PVT1: variants seen among roughly 807,000 people sequenced by gnomAD.
PVT1 encodes Pvt1 oncogene.
chr8:127,894,455 G>C (rs113016295), intron 3 of PVT1, among the ~76,000 whole-genome samples: 1 of 152,142 alleles, frequency 6.6e-6, no homozygotes, highest in Admixed American at 6.5e-5. Flanking sequence ...AAGCTGCCAC[G>C]GTTACTGATG....
chr8:127,915,589 G>A (rs1296525226), intron 3 of PVT1, among the ~76,000 whole-genome samples: 2 of 126,108 alleles, frequency 1.6e-5, no homozygotes, highest in African/African-American at 3.2e-5. Flanking sequence ...TTCAGCCTGG[G>A]CAACAAGAGC....
At chr8:127,964,540 G>C (rs1245445217) in intron 3 of PVT1, among the ~76,000 whole-genome samples, 1 of 152,158 alleles carries the variant, frequency 6.6e-6, no homozygotes. Flanking sequence ...AGATTTGGTA[G>C]CTTAAAACAA....
At chr8:128,015,082 T>C (rs187122729) in intron 4 of PVT1, among the ~76,000 whole-genome samples, 299 of 148,412 alleles carry the variant, frequency 2.0e-3, no homozygotes, top group African/African-American at 7.5e-3. Context: ...TTTATTTATT[T>C]ATTTATTTAT....
intron 2 of PVT1, among the ~76,000 whole-genome samples, chr8:127,861,847 A>G (rs1815232681): frequency 6.6e-6 from 1 of 152,150 alleles, no homozygotes; most frequent in South Asian, 2.1e-4. Context: ...TGTCATTGCT[A>G]ATCATCAGCC....
In PVT1 at chr8:127,942,695, A is replaced by G. The variant is rs559914908; in HGVS notation, n.783-46467A>G. 3.1e-4 allele frequency among the ~76,000 whole-genome samples: 47 copies of G among 152,278 alleles called. 1 individual carries two copies. Among genetic ancestry groups the G allele is most frequent in the Middle Eastern group, 3.4e-3 (1 of 294 alleles). ...GCTGGGTTCAATTCTGACTTGCCTG[A>G]CCAGCTGGTGCCTCATTTTGCTCTA... On this transcript the variant is annotated intron_variant and non_coding_transcript_variant, in intron 3 of 10. Coordinates refer to ENST00000651587, the Ensembl canonical transcript of PVT1.
chr8:127,912,278 T>C (rs1445204557), intron 3 of PVT1, among the ~76,000 whole-genome samples: 1 of 152,132 alleles, frequency 6.6e-6, no homozygotes, highest in Non-Finnish European at 1.5e-5. Context: ...GCACTTGCCA[T>C]TCATCTTCCA....
At chr8:128,071,687 A>AAAATAAACAAATAAAT (rs1813994991) in intron 5 of PVT1, among the ~76,000 whole-genome samples, 1 of 139,816 alleles carries the variant, frequency 7.2e-6, no homozygotes, top group South Asian at 2.3e-4. Flanking sequence ...CTCTGTCTCT[A>AAAATAAACAAATAAAT]AAATAAATAA....
At chr8:127,871,336 T>C (rs1348052139) in intron 2 of PVT1, among the ~76,000 whole-genome samples, 1 of 152,218 alleles carries the variant, frequency 6.6e-6, no homozygotes, top group Non-Finnish European at 1.5e-5. Context: ...TCAGAATAAA[T>C]GTGTTTTTTA....
intron 2 of PVT1, among the ~76,000 whole-genome samples, chr8:127,805,171 C>G (rs985234811): frequency 6.6e-6 from 1 of 151,368 alleles, no homozygotes; most frequent in African/African-American, 2.4e-5. Context: ...CTCAGGTGAT[C>G]CACCCGCCTT....
chr8:127,897,635 G>A (rs1463046581), intron 3 of PVT1, among the ~76,000 whole-genome samples: 1 of 136,312 alleles, frequency 7.3e-6, no homozygotes, highest in African/African-American at 2.9e-5. Context: ...AAGAAAGACA[G>A]ACAAAGAAAG....
At chr8:127,915,273 T>G (rs1198948728) in intron 3 of PVT1, among the ~76,000 whole-genome samples, 1 of 152,020 alleles carries the variant, frequency 6.6e-6, no homozygotes, top group Non-Finnish European at 1.5e-5. Context: ...AGATTTTACC[T>G]CCATTAAAAC....
At chr8:127,952,727 G>A (rs1376115902) in intron 3 of PVT1, among the ~76,000 whole-genome samples, 2 of 151,682 alleles carry the variant, frequency 1.3e-5, no homozygotes, top group African/African-American at 4.8e-5. Flanking sequence ...AAGGTCTCAT[G>A]TTTTAGAATC....
At chr8:128,069,358 T>C (rs1813953181) in intron 4 of PVT1, among the ~76,000 whole-genome samples, 2 of 152,186 alleles carry the variant, frequency 1.3e-5, no homozygotes, top group South Asian at 2.1e-4. Flanking sequence ...AGGCAATATA[T>C]ATTGAATGTG....
chr8:127,926,978 G>C (rs892090249), intron 3 of PVT1, among the ~76,000 whole-genome samples: 1 of 151,988 alleles, frequency 6.6e-6, no homozygotes. Flanking sequence ...TCCCTCCTCC[G>C]TTCATTCCCC....
chr8:127,957,901 G>A (rs1325354919), intron 3 of PVT1, among the ~76,000 whole-genome samples: 39 of 152,358 alleles, frequency 2.6e-4, no homozygotes, highest in Admixed American at 3.9e-4. Context: ...GGGCAAGGCC[G>A]AGAAACAGCG....
intron 2 of PVT1, among the ~76,000 whole-genome samples, chr8:127,883,388 C>G (rs906118452): frequency 6.6e-6 from 1 of 152,086 alleles, no homozygotes; most frequent in Non-Finnish European, 1.5e-5. Flanking sequence ...ATAGACGCAG[C>G]CTGTTTTTCG....
At chr8:127,944,004 T>C (rs1398521207) in intron 3 of PVT1, among the ~76,000 whole-genome samples, 1 of 152,214 alleles carries the variant, frequency 6.6e-6, no homozygotes, top group Non-Finnish European at 1.5e-5. Context: ...TTTCATTCCA[T>C]GCGCACTCAA....
At chr8:128,035,053 G>A (rs2130077471) in intron 4 of PVT1, among the ~76,000 whole-genome samples, 1 of 152,316 alleles carries the variant, frequency 6.6e-6, no homozygotes, top group African/African-American at 2.4e-5. Context: ...AGGCAGGCAG[G>A]GGTAGGGGGC....
At chr8:127,833,583 A>G (rs556788593) in intron 2 of PVT1, among the ~76,000 whole-genome samples, 57 of 152,180 alleles carry the variant, frequency 3.7e-4, no homozygotes, top group African/African-American at 1.3e-3. Context: ...CCACCCGAGT[A>G]GTTGGGACTA....
Sources: allele counts gnomAD v4.1 joint callset (sites outside exome capture counted in the v4.1 genomes callset), GRCh38; gene constraint gnomAD v4.1.1; transcripts MANE v1.5; gene names NCBI Gene and HGNC (gene_info 2026-07-23, HGNC 2026-07-21).